Variants in TBC1D22A observed in about 807,000 individuals in gnomAD.
TBC1D22A encodes the protein putative GTPase activator.
In TBC1D22A, 38 loss-of-function variants were observed where a neutral mutation model predicts 60.2. The ratio of observed to expected loss-of-function variants is 0.63; its 90% CI spans 0.49 to 0.83. The LOEUF (loss-of-function observed/expected upper bound fraction) is 0.83. Ranked by LOEUF, TBC1D22A falls within the 40% of genes least tolerant of loss-of-function variation. TBC1D22A has a pLI of 0.00. For missense variants in TBC1D22A, 628 were observed against 701.0 expected (o/e 0.90, Z 1.18); for synonymous variants, 302 against 281.7 (o/e 1.07, Z -0.72).
chr22:47,037,176 T>A lies in TBC1D22A; in HGVS notation c.1307T>A (p.Ile436Asn). 1 of 1,613,768 alleles carries A rather than the reference T, an allele frequency of 6.2e-7. No individual in the cohort carries two copies. Among genetic ancestry groups the A allele is most frequent in the Non-Finnish European group, 8.5e-7 (1 of 1,179,866 alleles). Residue 436 changes from isoleucine (I) to asparagine (N), a missense_variant, in exon 11 of 13, where the codon ATC (isoleucine) becomes AAC (asparagine). Coordinates refer to ENST00000337137, the MANE Select transcript of TBC1D22A (RefSeq NM_014346.5). ...LMREVPLRCTIRLWDTYQSEP... is the reference protein window; with the variant it reads ...LMREVPLRCTNRLWDTYQSEP... ...AGGGAGGTGCCCCTGCGTTGTACCA[T>A]CCGCCTGTGGGACACCTACCAGGTG...
At chr22:46,803,560 C>T (rs555528701) in intron 4 of TBC1D22A, among the ~76,000 whole-genome samples, 1 of 152,202 alleles carries the variant, frequency 6.6e-6, no homozygotes, top group Admixed American at 6.5e-5. Context: ...GTCTTTGCAG[C>T]CTGGGCTTCA....
chr22:47,003,481 TACGCACACATGCCTGTAC>T, intron 10 of TBC1D22A, among the ~76,000 whole-genome samples: 1 of 134,222 alleles, frequency 7.5e-6, no homozygotes, highest in East Asian at 2.4e-4. Context: ...ACACGCACCC[TACGCACACATGCCTGTAC>T]ACACACACCC....
intron 8 of TBC1D22A, among the ~76,000 whole-genome samples, chr22:46,951,182 A>G (rs900863650): frequency 6.6e-6 from 1 of 152,306 alleles, no homozygotes; most frequent in Middle Eastern, 3.4e-3. Flanking sequence ...GAGGTTAATG[A>G]TTGAGTGTAT....
chr22:46,864,928 T>G (rs2066980849), intron 4 of TBC1D22A, among the ~76,000 whole-genome samples: 1 of 152,228 alleles, frequency 6.6e-6, no homozygotes, highest in African/African-American at 2.4e-5. Flanking sequence ...GGCTCCCATT[T>G]GGGCTCTGCC....
intron 9 of TBC1D22A, among the ~76,000 whole-genome samples, chr22:46,979,778 C>T (rs1034087868): frequency 9.2e-5 from 14 of 152,282 alleles, no homozygotes; most frequent in African/African-American, 3.4e-4. Flanking sequence ...GTACTGCCAG[C>T]ACAAATGTCA....
At chr22:47,066,967 T>G (rs2063793990) in intron 11 of TBC1D22A, among the ~76,000 whole-genome samples, 2 of 152,154 alleles carry the variant, frequency 1.3e-5, no homozygotes, top group Admixed American at 6.5e-5. Flanking sequence ...ACCAGTCCTT[T>G]TAAAAAAACT....
chr22:46,902,878 G>A (rs181625142), intron 7 of TBC1D22A, among the ~76,000 whole-genome samples: 9 of 150,306 alleles, frequency 6.0e-5, no homozygotes, highest in African/African-American at 2.0e-4. Flanking sequence ...ACAGATGTGC[G>A]TGAAACCCAG....
At chr22:47,075,234 A>AAAAAC (rs1392116464) in intron 11 of TBC1D22A, among the ~76,000 whole-genome samples, 36 of 151,454 alleles carry the variant, frequency 2.4e-4, no homozygotes, top group South Asian at 1.0e-3. Flanking sequence ...AAAAAAAAAA[A>AAAAAC]AAGAGAACCA....
At chr22:47,144,507 T>G (rs1319188844) in intron 12 of TBC1D22A, among the ~76,000 whole-genome samples, 1 of 152,232 alleles carries the variant, frequency 6.6e-6, no homozygotes, top group African/African-American at 2.4e-5. Context: ...GCGTCCCTCC[T>G]TGGCCCCTGT....
chr22:46,872,111 C>T (rs186203520), intron 4 of TBC1D22A, among the ~76,000 whole-genome samples: 7 of 152,114 alleles, frequency 4.6e-5, no homozygotes, highest in Admixed American at 4.6e-4. Flanking sequence ...GAAATGGAGA[C>T]CTTTAATATC....
At chr22:47,136,583 AC>A (rs57119796) in intron 12 of TBC1D22A, among the ~76,000 whole-genome samples, 47,272 of 151,946 alleles carry the variant, frequency 0.31, 7,774 homozygotes, top group East Asian at 0.6. Flanking sequence ...GAGGCTGTGG[AC>A]CCAGTTCCTT....
chr22:47,101,053 T>C (rs1203928055), intron 11 of TBC1D22A, among the ~76,000 whole-genome samples: 1 of 152,034 alleles, frequency 6.6e-6, no homozygotes, highest in Non-Finnish European at 1.5e-5. Context: ...AGCCCTTGGG[T>C]ATTGTGCTTC....
intron 11 of TBC1D22A, among the ~76,000 whole-genome samples, chr22:47,052,554 C>A (rs765520006): frequency 6.6e-6 from 1 of 152,216 alleles, no homozygotes; most frequent in African/African-American, 2.4e-5. Flanking sequence ...CCTGAGGTCA[C>A]ACAGCACGGT....
At chr22:47,007,174 T>G (rs1412237293) in intron 10 of TBC1D22A, among the ~76,000 whole-genome samples, 8 of 152,188 alleles carry the variant, frequency 5.3e-5, no homozygotes, top group African/African-American at 1.7e-4. Context: ...CCAAAGCTCC[T>G]GGGTCCCTGA....
intron 4 of TBC1D22A, among the ~76,000 whole-genome samples, chr22:46,828,068 T>G (rs545067860): frequency 3.3e-4 from 51 of 152,278 alleles, no homozygotes; most frequent in African/African-American, 1.2e-3. Flanking sequence ...CCGTGTGCCA[T>G]TGACTAAGAT....
chr22:46,851,983 TTGA>T (rs1756879756), intron 4 of TBC1D22A, among the ~76,000 whole-genome samples: 4 of 152,172 alleles, frequency 2.6e-5, no homozygotes, highest in Admixed American at 2.6e-4. Flanking sequence ...GCATTTGGGT[TTGA>T]TGAAGACAGG....
At chr22:46,779,484 C>G (rs62233782) in intron 1 of TBC1D22A, among the ~76,000 whole-genome samples, 4,633 of 152,224 alleles carry the variant, frequency 0.03, 98 homozygotes, top group Non-Finnish European at 0.043. Context: ...GTCTCGAACT[C>G]CTGACCTCAG....
At chr22:46,845,489 G>C (rs564001647) in intron 4 of TBC1D22A, among the ~76,000 whole-genome samples, 23 of 152,330 alleles carry the variant, frequency 1.5e-4, no homozygotes, top group African/African-American at 5.3e-4. Flanking sequence ...TTTCGGTTTT[G>C]AGGTAAGTTT....
At chr22:46,972,881 T>C (rs2074128265) in intron 8 of TBC1D22A, among the ~76,000 whole-genome samples, 1 of 152,182 alleles carries the variant, frequency 6.6e-6, no homozygotes, top group Non-Finnish European at 1.5e-5. Flanking sequence ...ATGTGCGAAC[T>C]GGCTGGAATC....
Sources: gnomAD v4.1 joint callset for allele counts (sites outside exome capture counted in the v4.1 genomes callset) on GRCh38, gnomAD v4.1.1 for gene constraint, MANE v1.5 for transcripts, NCBI Gene and HGNC (gene_info 2026-07-23, HGNC 2026-07-21) for gene names.